Variants in SEMA6D observed in about 807,000 individuals in gnomAD.
The protein encoded by SEMA6D is semaphorin-6D.
SEMA6D carries 35 observed loss-of-function variants against 106.6 expected under a neutral mutation model. The ratio of observed to expected loss-of-function variants is 0.33; its 90% confidence interval spans 0.25 to 0.44. The LOEUF is 0.44. Ranked by LOEUF, SEMA6D falls within the 20% of genes least tolerant of loss-of-function variation. SEMA6D has a pLI of 1.00. For synonymous variants in SEMA6D, 499 were observed against 487.7 expected, an observed-to-expected ratio of 1.02 and a Z score of -0.31; for missense variants, 1,185 against 1,345.9, an observed-to-expected ratio of 0.88 and a Z score of 1.87.
chr15:47,321,369 T>C (rs2036915007), intron 1 of SEMA6D, among the ~76,000 whole-genome samples: 1 of 152,202 alleles, frequency 6.6e-6, no homozygotes. Flanking sequence ...ATATAGATAA[T>C]GAATACACGT....
chr15:47,403,234 G>A (rs1273583318), intron 1 of SEMA6D, among the ~76,000 whole-genome samples: 1 of 152,146 alleles, frequency 6.6e-6, no homozygotes, highest in Non-Finnish European at 1.5e-5. Context: ...AAATGGACCA[G>A]TAAATGCACA....
At chr15:47,280,200 T>A (rs1351808349) in intron 1 of SEMA6D, among the ~76,000 whole-genome samples, 1 of 152,190 alleles carries the variant, frequency 6.6e-6, no homozygotes, top group Non-Finnish European at 1.5e-5. Flanking sequence ...TGCCACAATT[T>A]CAGATCCTGT....
chr15:47,477,866 T>C (rs1246325583), intron 3 of SEMA6D, among the ~76,000 whole-genome samples: 2 of 140,860 alleles, frequency 1.4e-5, no homozygotes, highest in Non-Finnish European at 3.0e-5. Flanking sequence ...ATTGGCTTAG[T>C]CTCCTCATAG....
At chr15:47,360,368 C>T (rs1008138203) in intron 1 of SEMA6D, among the ~76,000 whole-genome samples, 2 of 152,224 alleles carry the variant, frequency 1.3e-5, no homozygotes, top group African/African-American at 4.8e-5. Context: ...TAGACCCATG[C>T]TCTCCAATGC....
At chr15:47,362,351 A>G (rs545254311) in intron 1 of SEMA6D, among the ~76,000 whole-genome samples, 1 of 152,298 alleles carries the variant, frequency 6.6e-6, no homozygotes, top group South Asian at 2.1e-4. Context: ...GAGCCTCCTG[A>G]TTCCATAGCA....
chr15:47,589,741 A>G (rs977561557), intron 3 of SEMA6D, among the ~76,000 whole-genome samples: 2 of 152,228 alleles, frequency 1.3e-5, no homozygotes, highest in Non-Finnish European at 2.9e-5. Context: ...CATCCACTGG[A>G]TTGAACACCA....
At chr15:47,322,888 G>A (rs531753537) in intron 1 of SEMA6D, among the ~76,000 whole-genome samples, 1 of 152,046 alleles carries the variant, frequency 6.6e-6, no homozygotes, top group South Asian at 2.1e-4. Flanking sequence ...AGATTCCAAG[G>A]GAAAAGTCTA....
intron 2 of SEMA6D, among the ~76,000 whole-genome samples, chr15:47,456,573 A>G (rs1669159490): frequency 6.6e-6 from 1 of 152,062 alleles, no homozygotes; most frequent in South Asian, 2.1e-4. Context: ...GATTACTTCT[A>G]CTTTTAGCAG....
chr15:47,327,725 A>G (rs7497188), intron 1 of SEMA6D, among the ~76,000 whole-genome samples: 1 of 151,944 alleles, frequency 6.6e-6, no homozygotes, highest in African/African-American at 2.4e-5. Context: ...GGACTGGGAA[A>G]TACCGTTGGT....
intron 3 of SEMA6D, among the ~76,000 whole-genome samples, chr15:47,471,927 T>TGTCACACACACA (rs1555445487): frequency 8.8e-6 from 1 of 113,956 alleles, no homozygotes; most frequent in African/African-American, 3.7e-5. Flanking sequence ...TCTCTCTCTC[T>TGTCACACACACA]CTCTCACACA....
chr15:47,410,251 A>G (rs1402000881), intron 1 of SEMA6D, among the ~76,000 whole-genome samples: 1 of 151,920 alleles, frequency 6.6e-6, no homozygotes, highest in Admixed American at 6.6e-5. Context: ...TCCAGTTGCT[A>G]GGATTACAGG....
chr15:47,312,606 A>G (rs2036493940), intron 1 of SEMA6D, among the ~76,000 whole-genome samples: 1 of 152,124 alleles, frequency 6.6e-6, no homozygotes. Context: ...GAGTCTTTAG[A>G]TCAGCGCTAT....
chr15:47,237,722 C>T (rs1005458069), intron 1 of SEMA6D, among the ~76,000 whole-genome samples: 5 of 152,038 alleles, frequency 3.3e-5, no homozygotes, highest in Non-Finnish European at 7.4e-5. Context: ...TCTACACCCC[C>T]TTTTAACTAT....
chr15:47,707,126 C>G (rs985968760), intron 4 of SEMA6D, among the ~76,000 whole-genome samples: 1 of 152,164 alleles, frequency 6.6e-6, no homozygotes, highest in Admixed American at 6.5e-5. Context: ...ATGATCCACT[C>G]TCTTTTATGT....
intron 3 of SEMA6D, among the ~76,000 whole-genome samples, chr15:47,548,968 T>G (rs948232307): frequency 7.4e-6 from 1 of 135,254 alleles, no homozygotes; most frequent in Non-Finnish European, 1.6e-5. Flanking sequence ...GTGTAGATCA[T>G]GAAGCAAGGC....
intron 7 of SEMA6D, 84 bp from the exon 8 acceptor site, chr15:47,762,116 T>G: frequency 6.6e-7 from 1 of 1,519,524 alleles, no homozygotes; most frequent in Non-Finnish European, 9.1e-7. Context: ...GTGAGAGCGC[T>G]CCAAAGGGCA....
At chr15:47,452,693 G>A (rs1457707146) in intron 2 of SEMA6D, among the ~76,000 whole-genome samples, 3 of 151,794 alleles carry the variant, frequency 2.0e-5, no homozygotes, top group East Asian at 1.9e-4. Context: ...ATGTGATTGA[G>A]TATGAAAAAC....
intron 1 of SEMA6D, among the ~76,000 whole-genome samples, chr15:47,738,045 A>AC (rs2080553306): frequency 6.6e-6 from 1 of 152,024 alleles, no homozygotes; most frequent in African/African-American, 2.4e-5. Context: ...CTTAAAAAAA[A>AC]AAAAAAGGGT....
chr15:47,672,856 T>C (rs899971171), intron 4 of SEMA6D, among the ~76,000 whole-genome samples: 13 of 152,318 alleles, frequency 8.5e-5, no homozygotes, highest in Admixed American at 2.0e-4. Context: ...ATATTAATAA[T>C]GTAAGTGGCA....
Sources: allele counts gnomAD v4.1 joint callset (sites outside exome capture counted in the v4.1 genomes callset), GRCh38; gene constraint gnomAD v4.1.1; transcripts MANE v1.5; gene names NCBI Gene and HGNC (gene_info 2026-07-23, HGNC 2026-07-21).